TRIM61: variants seen among roughly 807,000 people sequenced by gnomAD.
The protein encoded by TRIM61 is putative tripartite motif-containing protein 61.
A neutral mutation model predicts 14.2 loss-of-function variants in TRIM61; 1 was observed. The ratio of observed to expected loss-of-function variants is 0.07; its 90% CI spans 0.03 to 0.33. The LOEUF is 0.33. Among genes scored for constraint, TRIM61 ranks in the 10% least tolerant of loss-of-function variants. TRIM61 has a pLI of 0.99. For synonymous variants in TRIM61, 8 were observed against 71.6 expected (o/e 0.11, Z 4.49); for missense variants, 19 against 202.2 (o/e 0.09, Z 5.49).
chr4:164,955,056 G>A lies in TRIM61; in HGVS notation c.566C>T (p.Thr189Met), dbSNP rs1731949907. The A allele has an allele frequency of 9.1e-6, 2 of 218,654 alleles. No homozygotes were observed. Among genetic ancestry groups the A allele is most frequent in the South Asian group, 4.6e-5 (1 of 21,722 alleles). The allele number at this position is 218,654 out of a possible 1,614,324, so 13.5% of individuals were successfully genotyped here. The change falls in exon 4 of 5, where the codon ACG (threonine) becomes ATG (methionine). Residue 189 changes from threonine to methionine, a missense_variant. By Grantham distance (81) the Thr-to-Met change is moderately conservative. This residue lies in a region of TRIM61 where 2 missense variants were observed against 96.6 expected (regional missense o/e 0.02). Transcript: ENST00000329314. ...GCGGAGGTTGAAGTGAGCCGAGATC[G>A]TGCAACTGCACTCCAGCCTGGTGAC... is the stretch of plus-strand genomic sequence containing the variant.
intron 3 of TRIM61, chr4:164,968,443 C>A (rs149827372): frequency 0.027 from 27,005 of 984,798 alleles, 454 homozygotes; most frequent in African/African-American, 0.04. Flanking sequence ...GTCCCATAAT[C>A]ACATTTTTTG....
intron 3 of TRIM61, among the ~76,000 whole-genome samples, chr4:164,962,295 A>T (rs1170690751): frequency 6.9e-6 from 1 of 145,064 alleles, no homozygotes; most frequent in African/African-American, 2.6e-5. Context: ...ATCTTGGCTC[A>T]CTGCAAGCTC....
chr4:164,962,403 G>A (rs1465639773), intron 3 of TRIM61, among the ~76,000 whole-genome samples: 39 of 151,648 alleles, frequency 2.6e-4, no homozygotes, highest in Non-Finnish European at 5.4e-4. Flanking sequence ...GTGTGTGTGT[G>A]TGTGTGTGTG....
intron 2 of TRIM61, among the ~76,000 whole-genome samples, chr4:164,973,049 T>G (rs1203242262): frequency 6.6e-6 from 1 of 152,180 alleles, no homozygotes; most frequent in Non-Finnish European, 1.5e-5. Flanking sequence ...ACTTTCTGCT[T>G]AGATTACCCT....
chr4:164,977,215 C>T (rs888571712), intron 1 of TRIM61, among the ~76,000 whole-genome samples: 3 of 152,178 alleles, frequency 2.0e-5, no homozygotes, highest in African/African-American at 7.2e-5. Flanking sequence ...CAACTGGCAG[C>T]TACCACTTCG....
intron 2 of TRIM61, among the ~76,000 whole-genome samples, chr4:164,975,111 G>A (rs1199004060): frequency 1.4e-4 from 21 of 151,910 alleles, no homozygotes; most frequent in African/African-American, 5.1e-4. Context: ...CGCGCCTGTA[G>A]TCCCAGCTAC....
chr4:164,954,796 G>A (rs982926987), intron 4 of TRIM61: 1 of 153,916 alleles, frequency 6.5e-6, no homozygotes. Context: ...TAAATATGCT[G>A]TTTTATATTT....
chr4:164,970,604 C>T (rs1732342322), intron 2 of TRIM61, among the ~76,000 whole-genome samples: 1 of 151,800 alleles, frequency 6.6e-6, no homozygotes, highest in African/African-American at 2.4e-5. Context: ...AAAATATTGC[C>T]ATTAGAGAAA....
In TRIM61 at chr4:164,969,976, G is replaced by C. The variant is rs1377515851; in HGVS notation, c.27C>G (p.Asp9Glu). ...TGGGACAGCTAGCCTCTGCTCGGAG[G>C]TCAGCCAGGGCCGTAACAAATTCCA... The change falls in exon 3 of 5, where the codon GAC becomes GAG. Residue 9 changes from aspartate (D) to glutamate (E), a missense_variant. Physicochemically the swap from Asp to Glu is conservative, Grantham distance 45. Coordinates refer to ENST00000329314, the MANE Select transcript of TRIM61 (RefSeq NM_001012414.3). The C allele has an allele frequency of 6.2e-7, 1 of 1,613,820 alleles. No homozygotes were observed. Among genetic ancestry groups the C allele is most frequent in the Non-Finnish European group, 8.5e-7 (1 of 1,179,874 alleles).
In TRIM61 at chr4:164,974,473, C is replaced by G. The variant is rs1047617345; in HGVS notation, c.-338+2215G>C. 3.1e-4 allele frequency among the ~76,000 whole-genome samples: 47 copies of G among 152,190 alleles called. 1 individual carries two copies. The highest frequency in any genetic ancestry group is 1.0e-3 in the African/African-American group (43 of 41,454). On this transcript the variant is annotated intron_variant, in intron 2 of 4. Coordinates refer to ENST00000329314, the MANE Select transcript of TRIM61 (RefSeq NM_001012414.3). ...CCTGCATCCACTGGTCTTGAGCATTCATGGATTTTGGTATCTTCGGGTGCC... is the reference window on the plus strand; with the variant it reads ...CCTGCATCCACTGGTCTTGAGCATTGATGGATTTTGGTATCTTCGGGTGCC...
chr4:164,968,585 A>C, intron 3 of TRIM61: 1 of 985,710 alleles, frequency 1.0e-6, no homozygotes, highest in Non-Finnish European at 1.2e-6. Context: ...TCTTCTAATA[A>C]TTCATTCAGA....
chr4:164,964,593 A>G (rs1286119011), intron 3 of TRIM61, among the ~76,000 whole-genome samples: 1 of 152,178 alleles, frequency 6.6e-6, no homozygotes, highest in Non-Finnish European at 1.5e-5. Flanking sequence ...TCTTTCCACT[A>G]TCTCAGTGCC....
chr4:164,973,928 G>A (rs1732425543), intron 2 of TRIM61, among the ~76,000 whole-genome samples: 2 of 152,222 alleles, frequency 1.3e-5, no homozygotes, highest in African/African-American at 2.4e-5. Flanking sequence ...CCAGCACTTT[G>A]GGAGGCCAAG....
chr4:164,969,025 T>G (rs1732301582), intron 3 of TRIM61: 1 of 1,048,002 alleles, frequency 9.5e-7, no homozygotes, highest in Non-Finnish European at 1.1e-6. Flanking sequence ...GGTTATGAGG[T>G]ACATTTTGTG....
intron 3 of TRIM61, chr4:164,958,010 T>C (rs1173152492): frequency 5.9e-6 from 1 of 168,136 alleles, no homozygotes; most frequent in Admixed American, 6.4e-5. Context: ...AAACAGCAAG[T>C]CATAATCTTG....
intron 1 of TRIM61, among the ~76,000 whole-genome samples, chr4:164,977,147 A>C (rs551041465): frequency 6.6e-6 from 1 of 152,290 alleles, no homozygotes; most frequent in South Asian, 2.1e-4. Flanking sequence ...GACCCTTGTG[A>C]GGATTACAGG....
chr4:164,963,760 AAG>A (rs1732184249), intron 3 of TRIM61, among the ~76,000 whole-genome samples: 2 of 151,370 alleles, frequency 1.3e-5, no homozygotes, highest in East Asian at 1.9e-4. Context: ...AAAAAAAAAA[AAG>A]AAATCACACA....
intron 3 of TRIM61, among the ~76,000 whole-genome samples, chr4:164,963,220 G>C (rs1732172904): frequency 6.6e-6 from 1 of 152,082 alleles, no homozygotes; most frequent in Non-Finnish European, 1.5e-5. Context: ...ATGCCAGCCT[G>C]GGCAATATAG....
At chr4:164,961,383 G>C in intron 3 of TRIM61, among the ~76,000 whole-genome samples, 1 of 151,464 alleles carries the variant, frequency 6.6e-6, no homozygotes, top group Admixed American at 6.6e-5. Flanking sequence ...AACACACTTA[G>C]GGAAATAATC....
Sources: allele counts gnomAD v4.1 joint callset (sites outside exome capture counted in the v4.1 genomes callset), GRCh38; gene constraint gnomAD v4.1.1; regional missense constraint gnomAD v4.1.1; transcripts MANE v1.5; gene names NCBI Gene and HGNC (gene_info 2026-07-23, HGNC 2026-07-21).